PLCB1: variants seen among roughly 807,000 people sequenced by gnomAD.
PLCB1 encodes 1-phosphatidylinositol 4,5-bisphosphate phosphodiesterase beta-1.
In PLCB1, 46 loss-of-function variants were observed where a neutral mutation model predicts 161.8. The ratio of observed to expected loss-of-function variants is 0.28; its 90% CI spans 0.22 to 0.36. The LOEUF (loss-of-function observed/expected upper bound fraction) is 0.36, where lower values mean the gene tolerates loss of function less well. PLCB1 is among the 10% of genes least tolerant of loss of function. The pLI is 1.00. For synonymous variants in PLCB1, 517 were observed against 503.7 expected, an observed-to-expected ratio of 1.03 and a Z score of -0.35; for missense variants, 1,016 against 1,472.5, an observed-to-expected ratio of 0.69 and a Z score of 5.07.
chr20:8,175,818 A>G (rs1210723621), intron 2 of PLCB1, among the ~76,000 whole-genome samples: 1 of 151,452 alleles, frequency 6.6e-6, no homozygotes, highest in African/African-American at 2.5e-5. Context: ...GAAAAAAAAC[A>G]AAAAACAAAA....
chr20:8,589,996 C>T (rs1987101474), intron 3 of PLCB1, among the ~76,000 whole-genome samples: 1 of 152,038 alleles, frequency 6.6e-6, no homozygotes, highest in African/African-American at 2.4e-5. Context: ...TCCCCAAGGC[C>T]CCTCCTCCTA....
At chr20:8,522,394 G>A (rs901262342) in intron 3 of PLCB1, among the ~76,000 whole-genome samples, 2 of 152,034 alleles carry the variant, frequency 1.3e-5, no homozygotes, top group African/African-American at 4.8e-5. Flanking sequence ...CTGGCCTGTG[G>A]TTACGCTAAC....
intron 2 of PLCB1, chr20:8,305,566 A>T (rs1984094515): frequency 6.6e-6 from 1 of 152,096 alleles, no homozygotes; most frequent in South Asian, 2.1e-4. Context: ...GGTGCCAACC[A>T]CCTGTGGTAA....
chr20:8,873,524 C>T (rs1568632694), intron 31 of PLCB1, among the ~76,000 whole-genome samples: 1 of 151,856 alleles, frequency 6.6e-6, no homozygotes, highest in Non-Finnish European at 1.5e-5. Flanking sequence ...TTTTAGAATG[C>T]TATTTTTATG....
chr20:8,239,255 G>C (rs181139775), intron 2 of PLCB1, among the ~76,000 whole-genome samples: 22 of 152,084 alleles, frequency 1.4e-4, no homozygotes, highest in Admixed American at 1.2e-3. Flanking sequence ...TTAAAATCTA[G>C]TTGGAATGTG....
At chr20:8,731,672 T>A (rs1052710836) in intron 18 of PLCB1, among the ~76,000 whole-genome samples, 1 of 152,014 alleles carries the variant, frequency 6.6e-6, no homozygotes, top group African/African-American at 2.4e-5. Flanking sequence ...TAAGTTATCT[T>A]AATAGATCTC....
chr20:8,608,131 G>A (rs939371029), intron 3 of PLCB1, among the ~76,000 whole-genome samples: 5 of 152,192 alleles, frequency 3.3e-5, no homozygotes, highest in East Asian at 1.9e-4. Context: ...ATCAAGTTGT[G>A]TACTTAAAAT....
intron 12 of PLCB1, 51 bp from the exon 13 acceptor site, chr20:8,716,213 T>G (rs1979302048): frequency 7.5e-7 from 1 of 1,341,498 alleles, no homozygotes; most frequent in South Asian, 1.2e-5. Context: ...CTGTTCAGGT[T>G]CTTTGGATAA....
At chr20:8,417,327 AT>A (rs1334374275) in intron 3 of PLCB1, among the ~76,000 whole-genome samples, 2 of 151,290 alleles carry the variant, frequency 1.3e-5, no homozygotes, top group Non-Finnish European at 2.9e-5. Flanking sequence ...GTGTGTGTAT[AT>A]ATTATGTATA....
At chr20:8,685,159 G>T in intron 10 of PLCB1, 81 bp downstream of exon 10, 1 of 1,367,436 alleles carries the variant, frequency 7.3e-7, no homozygotes. Context: ...TTCGGAAGCT[G>T]AAGTGTGTTT....
intron 2 of PLCB1, among the ~76,000 whole-genome samples, chr20:8,292,123 T>A (rs910628954): frequency 6.6e-6 from 1 of 152,124 alleles, no homozygotes; most frequent in Non-Finnish European, 1.5e-5. Flanking sequence ...CCCTCTGTGG[T>A]AATTCTAAGG....
chr20:8,643,016 A>C (rs527302528), intron 4 of PLCB1, among the ~76,000 whole-genome samples: 5 of 152,346 alleles, frequency 3.3e-5, no homozygotes, highest in Non-Finnish European at 7.3e-5. Context: ...TTAATTTGTT[A>C]GATAGTTACT....
rs552009905 is a variant in PLCB1, at chr20:8,333,728, G to A, written c.178-37654G>A. 1.6e-3 allele frequency among the ~76,000 whole-genome samples: 242 copies of A among 152,324 alleles called. 1 individual carries two copies. Among genetic ancestry groups the A allele is most frequent in the African/African-American group, 5.5e-3 (228 of 41,576 alleles). ...TAGGAGCATGTTTGCAGCCACAGAT[G>A]TGAGCATCTTTACTGCATTCTTGTG... On this transcript the variant is annotated intron_variant, in intron 2 of 31. Transcript: ENST00000338037.
intron 2 of PLCB1, among the ~76,000 whole-genome samples, chr20:8,324,025 A>G (rs1283744729): frequency 6.6e-6 from 1 of 152,202 alleles, no homozygotes; most frequent in Non-Finnish European, 1.5e-5. Context: ...TGATTTCTAA[A>G]TCAAGAAAAA....
At chr20:8,449,651 C>T (rs1305085329) in intron 3 of PLCB1, among the ~76,000 whole-genome samples, 1 of 152,122 alleles carries the variant, frequency 6.6e-6, no homozygotes. Flanking sequence ...TTAGAGTGTC[C>T]CTAACAGGGG....
intron 2 of PLCB1, among the ~76,000 whole-genome samples, chr20:8,199,132 A>G (rs1245183047): frequency 6.6e-6 from 1 of 152,026 alleles, no homozygotes; most frequent in Admixed American, 6.6e-5. Flanking sequence ...TAATAGATAT[A>G]TTTTCCTTGA....
chr20:8,309,436 G>A (rs975196307), intron 2 of PLCB1, among the ~76,000 whole-genome samples: 1 of 152,124 alleles, frequency 6.6e-6, no homozygotes, highest in African/African-American at 2.4e-5. Context: ...TGTTGAATAA[G>A]AAAACATAAC....
At chr20:8,791,112 A>C (rs1340194401) in intron 31 of PLCB1, among the ~76,000 whole-genome samples, 4 of 152,096 alleles carry the variant, frequency 2.6e-5, no homozygotes, top group Non-Finnish European at 5.9e-5. Context: ...CTTATGGATA[A>C]TTCTAAATAT....
chr20:8,215,673 A>T (rs1979081964), intron 2 of PLCB1, among the ~76,000 whole-genome samples: 1 of 152,036 alleles, frequency 6.6e-6, no homozygotes, highest in Admixed American at 6.6e-5. Flanking sequence ...ATTTGTGTTC[A>T]TCAGGTGCTC....
Sources: gnomAD v4.1 joint callset for allele counts (sites outside exome capture counted in the v4.1 genomes callset) on GRCh38, gnomAD v4.1.1 for gene constraint, MANE v1.5 for transcripts, NCBI Gene and HGNC (gene_info 2026-07-23, HGNC 2026-07-21) for gene names.